LETM1: variants seen among roughly 807,000 people sequenced by gnomAD.
The protein encoded by LETM1 is mitochondrial proton/calcium exchanger protein.
A neutral mutation model predicts 74.5 loss-of-function variants in LETM1; 50 were observed. That is an observed-to-expected ratio of 0.67 (90% confidence interval 0.53 to 0.85). The LOEUF (loss-of-function observed/expected upper bound fraction) is 0.85. Ranked by LOEUF, LETM1 falls within the 40% of genes least tolerant of loss-of-function variation. The pLI is 0.00. For missense variants in LETM1, 824 were observed against 967.8 expected (o/e 0.85, Z 1.97); for synonymous variants, 446 against 407.1 (o/e 1.10, Z -1.15).
chr4:1,846,577 T>C (rs1712889735), intron 2 of LETM1: 1 of 152,208 alleles, frequency 6.6e-6, no homozygotes, highest in African/African-American at 2.4e-5. Context: ...CATTTATGTT[T>C]TAGTATGAAA....
chr4:1,821,520 G>A (rs1711774417), intron 10 of LETM1, among the ~76,000 whole-genome samples: 1 of 151,820 alleles, frequency 6.6e-6, no homozygotes, highest in Admixed American at 6.6e-5. Context: ...GAAACCCCCT[G>A]TCTACTAAAA....
chr4:1,848,177 G>A (rs960116026), intron 2 of LETM1, among the ~76,000 whole-genome samples: 1 of 152,156 alleles, frequency 6.6e-6, no homozygotes, highest in African/African-American at 2.4e-5. Context: ...GCTAAGGCAG[G>A]CAGATCACGG....
chr4:1,828,270 C>CA (rs1353544436), intron 6 of LETM1, among the ~76,000 whole-genome samples: 14 of 100,696 alleles, frequency 1.4e-4, no homozygotes, highest in South Asian at 3.5e-4. Context: ...GCTGGCCGGG[C>CA]GGGGGGCTGA....
intron 9 of LETM1, 158 bp downstream of exon 9, chr4:1,822,830 G>C (rs544762117): frequency 1.5e-6 from 1 of 657,182 alleles, no homozygotes. Flanking sequence ...CCTCACACCC[G>C]GGCACCCTGC....
At position 1,841,738 on chromosome 4, in the gene LETM1, T is replaced by G; in HGVS notation, c.203A>C (p.Asp68Ala). The change falls in exon 3 of 14, where the codon GAT (aspartate) becomes GCT (alanine). Residue 68 changes from aspartate to alanine, a missense_variant. This residue lies in a region of LETM1 where 222 missense variants were observed against 195.6 expected (regional missense o/e 1.14). Transcript: ENST00000302787. Reference sequence around the variant, plus strand: ...CCTCAGAGCCCAACAGCCGAGGTGATCGCCTCTGGAGGATGTGTACACAGG... The same window carrying G: ...CCTCAGAGCCCAACAGCCGAGGTGAGCGCCTCTGGAGGATGTGTACACAGG... ...IHPVYTSSRG[D>A]HLGCWALRPE... 1 of 1,614,096 alleles carries G rather than the reference T, an allele frequency of 6.2e-7. No homozygotes were observed. The highest frequency in any genetic ancestry group is 8.5e-7 in the Non-Finnish European group (1 of 1,180,032).
Position 1,825,697 on chromosome 4 carries a change from C to T in LETM1, c.1081-14G>A, listed in dbSNP as rs1489492035. 6.2e-7 allele frequency: 1 copy of T among 1,607,800 alleles called. No individual in the cohort carries two copies. Among genetic ancestry groups the T allele is most frequent in the South Asian group, 1.1e-5 (1 of 90,480 alleles). ...CTCAGCAATCAGCTAGAAAACAAAG[C>T]AGTGAATTATCATCTGGGACAGTTG... is the stretch of plus-strand genomic sequence containing the variant. On this transcript the variant is annotated splice_polypyrimidine_tract_variant and intron_variant, in intron 6 of 13. Coordinates refer to ENST00000302787, the MANE Select transcript of LETM1 (RefSeq NM_012318.3).
At chr4:1,838,032 A>G (rs1712515300) in intron 3 of LETM1, among the ~76,000 whole-genome samples, 2 of 152,096 alleles carry the variant, frequency 1.3e-5, no homozygotes, top group African/African-American at 4.8e-5. Context: ...AATGTTTGTA[A>G]ACACAAAAGC....
chr4:1,851,359 G>A (rs548210382), intron 1 of LETM1, among the ~76,000 whole-genome samples: 14 of 152,254 alleles, frequency 9.2e-5, no homozygotes, highest in East Asian at 3.9e-4. Flanking sequence ...CACTCCAGCC[G>A]GCAACGAGAG....
At chr4:1,847,064 C>G (rs1247446738) in intron 2 of LETM1, among the ~76,000 whole-genome samples, 1 of 137,492 alleles carries the variant, frequency 7.3e-6, no homozygotes, top group Non-Finnish European at 1.5e-5. Flanking sequence ...GGTGCAGTGG[C>G]TCACACCTGT....
intron 6 of LETM1, among the ~76,000 whole-genome samples, chr4:1,828,254 G>A (rs943668721): frequency 9.0e-5 from 12 of 133,252 alleles, no homozygotes; most frequent in Non-Finnish European, 4.9e-5. Flanking sequence ...CCTCCCGGAC[G>A]GGGCGGCTGG....
chr4:1,822,761 GTA>G (rs1056028210), intron 9 of LETM1: 2 of 406,406 alleles, frequency 4.9e-6, no homozygotes, highest in African/African-American at 2.0e-5. Flanking sequence ...GACGGCTAAG[GTA>G]TATCTCCCAT....
chr4:1,814,417 A>G lies in LETM1; in HGVS notation c.*7T>C, dbSNP rs769719359. The G allele has an allele frequency of 1.8e-5, 29 of 1,614,094 alleles. No homozygotes were observed. In the South Asian group the frequency reaches 3.2e-4, roughly 18 times the overall value. On this transcript the variant is annotated 3_prime_UTR_variant, in exon 14 of 14. Coordinates refer to ENST00000302787, the MANE Select transcript of LETM1 (RefSeq NM_012318.3). ...CAGCAGGAGGACAGGTGCCCAGGCC[A>G]GTGGTTCTAGCTCTTCACCTCTGCG...
rs1712398799 is a variant in LETM1, at chr4:1,834,612, C to A, written c.876+233G>T. 3 of 1,354,974 alleles carry A rather than the reference C, an allele frequency of 2.2e-6. No homozygotes were observed. The highest frequency in any genetic ancestry group is 6.5e-5 in the Admixed American group (2 of 30,846). 83.9% of individuals were successfully genotyped at this position (1,354,974 alleles called of 1,614,324 possible). A position where few individuals can be genotyped will look rare whatever the true frequency, so the allele number is the denominator to read the frequency against. On this transcript the variant is annotated intron_variant, in intron 5 of 13. Transcript: ENST00000302787. The surrounding 1 kb of genome is among the most constrained non-coding windows in gnomAD (Gnocchi z 5.0). ...CAGCTGCAGGGTGATGAGACACAGA[C>A]GCCCATAATTCTGAAGGCTGACGAG... is the stretch of plus-strand genomic sequence containing the variant.
In LETM1 at chr4:1,836,142, A is replaced by T. The variant is rs1442294706; in HGVS notation, c.738+287T>A. On this transcript the variant is annotated intron_variant, in intron 4 of 13. Coordinates refer to ENST00000302787, the MANE Select transcript of LETM1 (RefSeq NM_012318.3). The surrounding 1 kb of genome is among the most constrained non-coding windows in gnomAD (Gnocchi z 5.8). The stretch of plus-strand genomic sequence containing the variant: ...GGCAGGAGATTCGCTTGAACCCGGG[A>T]GGCAGAGGTTGTATGCAGTGAGACA... 6.6e-6 allele frequency among the ~76,000 whole-genome samples: 1 copy of T among 151,190 alleles called. No individual in the cohort carries two copies. The highest frequency in any genetic ancestry group is 2.4e-5 in the African/African-American group (1 of 41,066).
rs374446398 is a variant in LETM1 at position 1,854,240 on chromosome 4, G to C, written c.82+1629C>G. The stretch of plus-strand genomic sequence containing the variant: ...CTCACGCCTGTAATCCCAGCACTTT[G>C]GGAGGCTGAGGTGGGTGGATCACGA... On this transcript the variant is annotated intron_variant, in intron 1 of 13. Coordinates refer to ENST00000302787, the MANE Select transcript of LETM1 (RefSeq NM_012318.3). Among the ~76,000 whole-genome samples the C allele has an allele frequency of 4.4e-4, 67 of 152,204 alleles. No individual in the cohort carries two copies. The East Asian group carries it at 8.7e-3, about 20-fold the overall frequency.
rs375973946 is a variant in LETM1 at position 1,817,710 on chromosome 4, G to A, written c.1744-796C>T. Among the ~76,000 whole-genome samples the A allele has an allele frequency of 7.9e-5, 12 of 152,252 alleles. No individual in the cohort carries two copies. In the South Asian group the frequency reaches 2.1e-3, roughly 26 times the overall value. Reference sequence around the variant, plus strand: ...AAGCAAAAGACATAGAATCTATTCTGAATCTCAATTTCCTTCACATTTGTT... The same window carrying A: ...AAGCAAAAGACATAGAATCTATTCTAAATCTCAATTTCCTTCACATTTGTT... On this transcript the variant is annotated intron_variant, in intron 11 of 13. Coordinates refer to ENST00000302787, the MANE Select transcript of LETM1 (RefSeq NM_012318.3).
chr4:1,853,018 C>G (rs959957650), intron 1 of LETM1, among the ~76,000 whole-genome samples: 1 of 152,192 alleles, frequency 6.6e-6, no homozygotes, highest in Non-Finnish European at 1.5e-5. Flanking sequence ...ACCTCCTCCC[C>G]AGGCAATCTC....
At position 1,814,429 on chromosome 4, in the gene LETM1, T is replaced by C; in HGVS notation, c.2215A>G (p.Ser739Gly). The C allele has an allele frequency of 6.2e-7, 1 of 1,614,234 alleles. No homozygotes were observed. The highest frequency in any genetic ancestry group is 8.5e-7 in the Non-Finnish European group (1 of 1,180,016). ...AGGTGCCCAGGCCAGTGGTTCTAGC[T>C]CTTCACCTCTGCGACCTCCTTCTCT... The part of the protein sequence containing the change: ...KAEKEVAEVK[S>G] The change falls in exon 14 of 14, where the codon AGC (serine) becomes GGC (glycine). Residue 739 changes from serine (S) to glycine (G), a missense_variant. By Grantham distance (56) the Ser-to-Gly change is moderately conservative. Coordinates refer to ENST00000302787, the MANE Select transcript of LETM1 (RefSeq NM_012318.3).
intron 9 of LETM1, 58 bp downstream of exon 9, chr4:1,822,930 T>C: frequency 7.6e-7 from 1 of 1,321,530 alleles, no homozygotes. Context: ...GTGCGGGGGT[T>C]TCTAGGGAGG....
Sources: gnomAD v4.1 joint callset for allele counts (sites outside exome capture counted in the v4.1 genomes callset) on GRCh38, gnomAD v4.1.1 for gene constraint, gnomAD v4.1.1 regional missense constraint, Gnocchi (gnomAD v3.1) non-coding constraint, MANE v1.5 for transcripts, NCBI Gene and HGNC (gene_info 2026-07-23, HGNC 2026-07-21) for gene names.